Variants in PTPRD observed in about 807,000 individuals in gnomAD.
PTPRD encodes the protein receptor-type tyrosine-protein phosphatase delta.
A neutral mutation model predicts 214.5 loss-of-function variants in PTPRD; 34 were observed. The observed-to-expected ratio is 0.16, with a 90% CI of 0.12 to 0.21. The LOEUF is 0.21. Ranked by LOEUF, PTPRD falls within the 10% of genes least tolerant of loss-of-function variation. The pLI is 1.00. For synonymous variants in PTPRD, 1,128 were observed against 845.7 expected, an observed-to-expected ratio of 1.33 and a Z score of -5.79; for missense variants, 2,545 against 2,398.7, an observed-to-expected ratio of 1.06 and a Z score of -1.27.
intron 3 of PTPRD, among the ~76,000 whole-genome samples, chr9:10,117,134 A>G (rs764383172): frequency 6.6e-6 from 1 of 152,098 alleles, no homozygotes; most frequent in Non-Finnish European, 1.5e-5. Flanking sequence ...TCACAACAGT[A>G]TCATAACACA....
chr9:9,738,196 T>A (rs1485285339), intron 6 of PTPRD, among the ~76,000 whole-genome samples: 1 of 152,074 alleles, frequency 6.6e-6, no homozygotes, highest in Non-Finnish European at 1.5e-5. Flanking sequence ...GGCACATGTA[T>A]ACATATGTAA....
chr9:9,854,342 A>C (rs1418144366), intron 5 of PTPRD, among the ~76,000 whole-genome samples: 1 of 152,154 alleles, frequency 6.6e-6, no homozygotes, highest in East Asian at 1.9e-4. Flanking sequence ...CCATAATTAG[A>C]ATTTAATCAT....
rs539071828 is a variant in PTPRD, at chr9:9,669,980, T to C, written c.-287+64553A>G. Among the ~76,000 whole-genome samples, 108 of 152,292 alleles carry C rather than the reference T, an allele frequency of 7.1e-4. No individual in the cohort carries two copies. The South Asian group carries it at 0.022, about 31-fold the overall frequency. ...GTTCTAATTGCCCCTCAATATCTTTTAGCTTCCTTTTTTAGCATTTTATCA... is the reference window on the plus strand; with the variant it reads ...GTTCTAATTGCCCCTCAATATCTTTCAGCTTCCTTTTTTAGCATTTTATCA... On this transcript the variant is annotated intron_variant, in intron 7 of 45. Transcript: ENST00000381196.
chr9:8,403,641 T>C (rs1364986011), intron 36 of PTPRD, among the ~76,000 whole-genome samples: 2 of 152,230 alleles, frequency 1.3e-5, no homozygotes, highest in African/African-American at 4.8e-5. Flanking sequence ...CTGGATAGAG[T>C]TGAGGAGCAA....
intron 3 of PTPRD, among the ~76,000 whole-genome samples, chr9:10,110,239 A>G (rs1171525474): frequency 6.6e-6 from 1 of 152,180 alleles, no homozygotes; most frequent in Non-Finnish European, 1.5e-5. Flanking sequence ...AGTAGCTCCT[A>G]CATTCCAGGC....
intron 2 of PTPRD, among the ~76,000 whole-genome samples, chr9:10,565,625 T>C (rs1246973039): frequency 6.6e-6 from 1 of 152,082 alleles, no homozygotes; most frequent in East Asian, 1.9e-4. Context: ...TTGGATAATG[T>C]ATAACAACAT....
intron 9 of PTPRD, among the ~76,000 whole-genome samples, chr9:9,296,866 C>A (rs9299092): frequency 1.3e-5 from 2 of 151,510 alleles, no homozygotes; most frequent in Non-Finnish European, 3.0e-5. Context: ...AAAGCAAAGC[C>A]TAGACTAAGT....
chr9:9,007,885 GT>G (rs113485332), intron 11 of PTPRD, among the ~76,000 whole-genome samples: 73 of 108,926 alleles, frequency 6.7e-4, no homozygotes, highest in Admixed American at 6.0e-4. Flanking sequence ...TTAGAAAAGT[GT>G]TTTTTTTTTT....
intron 10 of PTPRD, among the ~76,000 whole-genome samples, chr9:9,098,766 A>AT (rs1171823403): frequency 3.9e-5 from 6 of 152,226 alleles, no homozygotes; most frequent in Non-Finnish European, 7.3e-5. Context: ...AATTAGGTAT[A>AT]TTTTGTAAAA....
Position 10,278,838 on chromosome 9 carries a change from G to A in PTPRD, c.-545+62125C>T, listed in dbSNP as rs575194674. ...TGCCCAGGCTGGAGTGCAGTAGCGC[G>A]ATCTCGGCTCACTGCAAGCTCCGTC... On this transcript the variant is annotated intron_variant, in intron 3 of 45. Transcript: ENST00000381196. Among the ~76,000 whole-genome samples, 90 of 151,836 alleles carry A rather than the reference G, an allele frequency of 5.9e-4. 1 individual carries two copies. Among genetic ancestry groups the A allele is most frequent in the South Asian group, 4.6e-3 (22 of 4,814 alleles).
At chr9:9,657,252 A>C (rs1485513300) in intron 7 of PTPRD, among the ~76,000 whole-genome samples, 1 of 152,092 alleles carries the variant, frequency 6.6e-6, no homozygotes, top group East Asian at 1.9e-4. Context: ...GTTTCAAGAT[A>C]CACCGTGAAA....
rs1412656201 is a variant in PTPRD at position 10,016,392 on chromosome 9, G to GGT, written c.-472+17325_-472+17326insAC. Among the ~76,000 whole-genome samples the GGT allele has an allele frequency of 1.4e-3, 203 of 143,326 alleles. 2 individuals carry two copies. The highest frequency in any genetic ancestry group is 4.0e-3 in the Admixed American group (57 of 14,220). The allele number at this position is 143,326 out of a possible 152,430, so 94.0% of individuals were successfully genotyped here. A position where few individuals can be genotyped will look rare whatever the true frequency, so the allele number is the denominator to read the frequency against. ...AGATAGATAGATAGATAGATAGATA[G>GGT]ATAGACAGATAGATAGGGAAATTCT... On this transcript the variant is annotated intron_variant, in intron 4 of 45. Coordinates refer to ENST00000381196, the MANE Select transcript of PTPRD (RefSeq NM_002839.4).
intron 5 of PTPRD, among the ~76,000 whole-genome samples, chr9:9,848,751 A>T (rs1489662548): frequency 6.6e-6 from 1 of 152,152 alleles, no homozygotes; most frequent in African/African-American, 2.4e-5. Context: ...AACAATTTTC[A>T]AAAGTGTGCT....
chr9:8,372,529 T>C (rs1264324131), intron 39 of PTPRD, among the ~76,000 whole-genome samples: 1 of 152,050 alleles, frequency 6.6e-6, no homozygotes, highest in African/African-American at 2.4e-5. Flanking sequence ...GTAAACAAGC[T>C]GACATTTTAC....
intron 3 of PTPRD, among the ~76,000 whole-genome samples, chr9:10,050,079 G>T (rs2097499540): frequency 6.6e-6 from 1 of 152,050 alleles, no homozygotes; most frequent in South Asian, 2.1e-4. Flanking sequence ...TGGAATAATA[G>T]GTTCAAAATA....
At chr9:9,625,563 T>G (rs924005315) in intron 7 of PTPRD, among the ~76,000 whole-genome samples, 2 of 152,032 alleles carry the variant, frequency 1.3e-5, no homozygotes, top group Non-Finnish European at 2.9e-5. Context: ...ATTTTTTTTT[T>G]TTTTGTTTTG....
chr9:9,532,727 C>T (rs2154265420), intron 8 of PTPRD, among the ~76,000 whole-genome samples: 1 of 152,244 alleles, frequency 6.6e-6, no homozygotes, highest in Middle Eastern at 3.4e-3. Flanking sequence ...TGATTTATTT[C>T]AGGAAGGCTT....
chr9:9,149,545 C>G (rs538353104), intron 10 of PTPRD, among the ~76,000 whole-genome samples: 1 of 152,256 alleles, frequency 6.6e-6, no homozygotes, highest in East Asian at 1.9e-4. Context: ...ACAAAGTTCA[C>G]GGGTTCCCTG....
intron 7 of PTPRD, among the ~76,000 whole-genome samples, chr9:9,651,184 A>G (rs186925734): frequency 2.2e-4 from 34 of 152,284 alleles, no homozygotes; most frequent in East Asian, 1.5e-3. Context: ...CTATGAATAA[A>G]CCTAGAAAAT....
Sources: gnomAD v4.1 joint callset for allele counts (sites outside exome capture counted in the v4.1 genomes callset) on GRCh38, gnomAD v4.1.1 for gene constraint, MANE v1.5 for transcripts, NCBI Gene and HGNC (gene_info 2026-07-23, HGNC 2026-07-21) for gene names.